The following APC variants were observed in gnomAD, a reference collection of about 807,000 sequenced individuals.
The protein encoded by APC is adenomatous polyposis coli protein.
A neutral mutation model predicts 247.0 loss-of-function variants in APC; 72 were observed. The observed-to-expected ratio is 0.29, with a 90% CI of 0.24 to 0.35. The LOEUF (loss-of-function observed/expected upper bound fraction) is 0.35. Among genes scored for constraint, APC ranks in the 10% least tolerant of loss-of-function variants. APC has a pLI of 1.00. For missense variants in APC, 3,400 were observed against 3,360.7 expected, an observed-to-expected ratio of 1.01 and a Z score of -0.29; for synonymous variants, 1,254 against 1,162.5, an observed-to-expected ratio of 1.08 and a Z score of -1.60.
At chr5:112,828,071 G>C (rs1763901437) in intron 13 of APC, 65 bp downstream of exon 13, 1 of 1,367,910 alleles carries the variant, frequency 7.3e-7, no homozygotes, top group Non-Finnish European at 1.0e-6. Flanking sequence ...GTCTCACTCT[G>C]TCACCCAGGC....
intron 1 of APC, among the ~76,000 whole-genome samples, chr5:112,746,940 C>T (rs907427646): frequency 4.9e-5 from 6 of 123,164 alleles, no homozygotes; most frequent in Non-Finnish European, 1.2e-4. Flanking sequence ...GATAAGGTGG[C>T]CACACAAGGG....
intron 8 of APC, among the ~76,000 whole-genome samples, chr5:112,806,591 T>TATTTATTG (rs1761413434): frequency 6.9e-6 from 1 of 145,128 alleles, no homozygotes; most frequent in African/African-American, 2.6e-5. Flanking sequence ...TTTATTTATT[T>TATTTATTG]ATTGAGATAG....
At chr5:112,811,459 G>A (rs1411546457) in intron 8 of APC, among the ~76,000 whole-genome samples, 3 of 152,128 alleles carry the variant, frequency 2.0e-5, no homozygotes, top group Non-Finnish European at 2.9e-5. Flanking sequence ...TTAATAAAAC[G>A]CCCAAGAAAG....
chr5:112,715,945 C>A (rs982273298), intron 1 of APC, among the ~76,000 whole-genome samples: 1 of 152,058 alleles, frequency 6.6e-6, no homozygotes, highest in South Asian at 2.1e-4. Flanking sequence ...ATTCTGTGGT[C>A]CTTTTAATGG....
At chr5:112,757,568 G>A (rs536404347) in intron 2 of APC, among the ~76,000 whole-genome samples, 20 of 152,004 alleles carry the variant, frequency 1.3e-4, no homozygotes, top group Non-Finnish European at 2.9e-4. Context: ...CTCTGTTTCT[G>A]CAAAAAAATA....
At chr5:112,708,154 G>A (rs1294447054) in intron 1 of APC, among the ~76,000 whole-genome samples, 1 of 152,198 alleles carries the variant, frequency 6.6e-6, no homozygotes, top group African/African-American at 2.4e-5. Flanking sequence ...TGCAAGTGGT[G>A]CCCCATTCGC....
intron 11 of APC, chr5:112,823,254 C>A (rs1474902666): frequency 6.6e-6 from 1 of 152,600 alleles, no homozygotes; most frequent in African/African-American, 2.4e-5. Flanking sequence ...CATTAATCAT[C>A]TGGATTTCAA....
At chr5:112,794,660 CCA>C (rs1205029834) in intron 7 of APC, among the ~76,000 whole-genome samples, 1 of 152,102 alleles carries the variant, frequency 6.6e-6, no homozygotes, top group Non-Finnish European at 1.5e-5. Flanking sequence ...CACTAACTAC[CCA>C]GAGTTAGCAC....
intron 2 of APC, among the ~76,000 whole-genome samples, chr5:112,758,792 G>A (rs1432605980): frequency 2.0e-5 from 3 of 151,994 alleles, no homozygotes; most frequent in South Asian, 2.1e-4. Context: ...TAGTAGAGAC[G>A]GAGTTTTGCC....
At chr5:112,751,877 T>A (rs773220266) in intron 1 of APC, among the ~76,000 whole-genome samples, 23 of 151,996 alleles carry the variant, frequency 1.5e-4, no homozygotes, top group Non-Finnish European at 2.8e-4. Context: ...GGCCTTGGGG[T>A]TGATAGATCA....
At chr5:112,722,695 T>C (rs1751550480) in intron 1 of APC, among the ~76,000 whole-genome samples, 1 of 152,098 alleles carries the variant, frequency 6.6e-6, no homozygotes, top group South Asian at 2.1e-4. Context: ...TGCTTATATT[T>C]ACTGGTTTAC....
intron 14 of APC, among the ~76,000 whole-genome samples, chr5:112,833,744 A>C (rs931412617): frequency 4.6e-5 from 7 of 152,146 alleles, no homozygotes; most frequent in African/African-American, 1.7e-4. Flanking sequence ...ATAATTTGTT[A>C]TGTGGGGAAT....
chr5:112,810,547 G>A (rs1761885430), intron 8 of APC, among the ~76,000 whole-genome samples: 1 of 152,118 alleles, frequency 6.6e-6, no homozygotes, highest in African/African-American at 2.4e-5. Flanking sequence ...AATGTATATC[G>A]ACAGCATCCT....
At chr5:112,756,949 C>T (rs183516066) in intron 2 of APC, among the ~76,000 whole-genome samples, 39 of 152,282 alleles carry the variant, frequency 2.6e-4, no homozygotes, top group Non-Finnish European at 4.4e-4. Flanking sequence ...ATCTGAAATG[C>T]TCCATTGAGC....
rs1257663822 is a variant in APC, at chr5:112,839,424, TATC to T, written c.3834_3836del (p.Ser1279del). The T allele has an allele frequency of 1.2e-6, 2 of 1,614,080 alleles. No homozygotes were observed. Among genetic ancestry groups the T allele is most frequent in the African/African-American group, 1.3e-5 (1 of 74,958 alleles). On this transcript the variant is annotated inframe_deletion, in exon 16 of 16. Coordinates refer to ENST00000257430, the MANE Select transcript of APC (RefSeq NM_000038.6). The surrounding 1 kb of genome is among the most constrained non-coding windows in gnomAD (Gnocchi z 5.0). ...ATATGTTTTTCAAGATGTAGTTCAT[TATC>T]ATCTTTGTCATCAGCTGAAGATGAA...
At chr5:112,777,043 A>G (rs1165178818) in intron 5 of APC, among the ~76,000 whole-genome samples, 2 of 152,160 alleles carry the variant, frequency 1.3e-5, no homozygotes, top group Non-Finnish European at 2.9e-5. Flanking sequence ...GAATTCTGAT[A>G]TGGCTGCTTT....
intron 9 of APC, among the ~76,000 whole-genome samples, chr5:112,817,237 T>C (rs1044087893): frequency 4.6e-5 from 7 of 152,348 alleles, no homozygotes; most frequent in Admixed American, 2.6e-4. Context: ...GTATTTTCGA[T>C]TAACTCGAAT....
At chr5:112,799,187 A>G (rs1760525754) in intron 7 of APC, among the ~76,000 whole-genome samples, 1 of 150,734 alleles carries the variant, frequency 6.6e-6, no homozygotes, top group Non-Finnish European at 1.5e-5. Context: ...CTGTCTCAAA[A>G]AAAAAAAAAA....
chr5:112,808,227 T>G (rs1761621061), intron 8 of APC, among the ~76,000 whole-genome samples: 1 of 152,168 alleles, frequency 6.6e-6, no homozygotes, highest in Admixed American at 6.5e-5. Context: ...TAACAGTAAT[T>G]GTTTAATAGC....
Sources: allele counts gnomAD v4.1 joint callset (sites outside exome capture counted in the v4.1 genomes callset), GRCh38; gene constraint gnomAD v4.1.1; non-coding constraint Gnocchi (gnomAD v3.1); transcripts MANE v1.5; gene names NCBI Gene and HGNC (gene_info 2026-07-23, HGNC 2026-07-21).